Variants in PAK6 observed in about 807,000 individuals in gnomAD.
PAK6 encodes p21 (RAC1) activated kinase 6, also known as serine/threonine-protein kinase PAK 6.
Under a neutral mutation model 60.8 loss-of-function variants are expected in PAK6, and 33 were observed. The observed-to-expected ratio is 0.54, with a 90% confidence interval of 0.41 to 0.73. The LOEUF is 0.73. PAK6 is among the 30% of genes least tolerant of loss of function. The pLI is 0.00. For synonymous variants in PAK6, 404 were observed against 378.5 expected, an observed-to-expected ratio of 1.07 and a Z score of -0.78; for missense variants, 845 against 904.1, an observed-to-expected ratio of 0.93 and a Z score of 0.84.
chr15:40,272,453 A>C, exon 6 of PAK6: 1 of 1,613,630 alleles, frequency 6.2e-7, no homozygotes, highest in Non-Finnish European at 8.5e-7. Context: ...AGCACCAGCA[A>C]CCTGTACCTG....
rs539147070 is a variant in PAK6, at chr15:40,265,955, C to A, written c.318C>A (p.Thr106=). The A allele has an allele frequency of 5.0e-6, 8 of 1,605,848 alleles. No individual in the cohort carries two copies. In the South Asian group the frequency reaches 7.8e-5, roughly 16 times the overall value. ...ACACCCTGCGTGGCCGCAGCCCCAC[C>A]AGCCGGCGGCGGGCACAGTCCCTGG... The change falls in exon 5 of 11, where the codon ACC becomes ACA. Residue 106 remains threonine (T), a synonymous_variant. Transcript: ENST00000560346.
chr15:40,272,259 C>G, exon 6 of PAK6: 1 of 1,611,458 alleles, frequency 6.2e-7, no homozygotes, highest in South Asian at 1.1e-5. Flanking sequence ...AGAAAGACAA[C>G]CCCCCAAGCC....
chr15:40,269,710 ACTCCCCAGC>A (rs2039248167), intron 5 of PAK6, among the ~76,000 whole-genome samples: 2 of 151,708 alleles, frequency 1.3e-5, no homozygotes, highest in African/African-American at 2.4e-5. Context: ...AGCTCCCCAG[ACTCCCCAGC>A]CTATGTCCCA....
At chr15:40,266,661 G>C (rs2039147422) in intron 5 of PAK6, 166 bp downstream of exon 5, 2 of 546,642 alleles carry the variant, frequency 3.7e-6, no homozygotes, top group South Asian at 3.2e-5. Context: ...AGGGTGGCTC[G>C]CCTCCTCCTT....
chr15:40,276,224 C>G (rs1275175926), exon 11 of PAK6: 1 of 904,426 alleles, frequency 1.1e-6, no homozygotes, highest in Non-Finnish European at 1.7e-6. Flanking sequence ...AGCCCCAGCC[C>G]CACCCTCTGC....
chr15:40,248,432 GC>G (rs1023792077), intron 2 of PAK6, among the ~76,000 whole-genome samples: 42 of 152,200 alleles, frequency 2.8e-4, no homozygotes, highest in African/African-American at 9.7e-4. Flanking sequence ...CCCTCTAGGA[GC>G]CCCAGCTCCA....
At chr15:40,275,276 G>GGTTTTT (rs1345353324) in intron 10 of PAK6, among the ~76,000 whole-genome samples, 1 of 21,462 alleles carries the variant, frequency 4.7e-5, no homozygotes, top group African/African-American at 1.4e-4. Flanking sequence ...TTCTGTTGTT[G>GGTTTTT]TTGGTTTTTT....
In PAK6 at chr15:40,272,530, CA is replaced by C; in HGVS notation, c.1166del (p.Gln389ArgfsTer23). On this transcript the variant is annotated frameshift_variant, in exon 6 of 11. Transcript: ENST00000560346. LOFTEE classifies it high-confidence loss of function. ...GGACACAGGTGTTGTGACACATGAGCAGTTCAAGGCTGCGCTCAGGATGGTG... is the reference window on the plus strand; with the variant it reads ...GGACACAGGTGTTGTGACACATGAGCGTTCAAGGCTGCGCTCAGGATGGTG... 6.2e-7 allele frequency: 1 copy of C among 1,613,772 alleles called. No individual in the cohort carries two copies. The highest frequency in any genetic ancestry group is 8.5e-7 in the Non-Finnish European group (1 of 1,180,016).
chr15:40,262,841 C>T (rs1455394141), intron 3 of PAK6, among the ~76,000 whole-genome samples: 1 of 152,098 alleles, frequency 6.6e-6, no homozygotes, highest in Non-Finnish European at 1.5e-5. Context: ...CATTAACCCC[C>T]CTGGCTCAGA....
chr15:40,249,619 C>A (rs1437480201), intron 2 of PAK6, among the ~76,000 whole-genome samples: 1 of 152,188 alleles, frequency 6.6e-6, no homozygotes, highest in Non-Finnish European at 1.5e-5. Context: ...CTTCCTCATC[C>A]CCAGAAAACT....
intron 3 of PAK6, among the ~76,000 whole-genome samples, chr15:40,257,301 G>C (rs1293373890): frequency 6.6e-6 from 1 of 152,232 alleles, no homozygotes; most frequent in Non-Finnish European, 1.5e-5. Context: ...TGACCCCTCC[G>C]GGTGGCTGCA....
chr15:40,255,521 C>A (rs1470271119), intron 3 of PAK6, among the ~76,000 whole-genome samples: 2 of 152,190 alleles, frequency 1.3e-5, no homozygotes, highest in African/African-American at 4.8e-5. Flanking sequence ...TGGGCATCCA[C>A]ATGAGGGCCA....
At chr15:40,249,289 G>A (rs2038592562) in intron 2 of PAK6, among the ~76,000 whole-genome samples, 1 of 144,128 alleles carries the variant, frequency 6.9e-6, no homozygotes, top group African/African-American at 2.9e-5. Context: ...GAATCTTGGG[G>A]GACATAGGTT....
exon 3 of PAK6, chr15:40,253,271 A>C (rs1374735193): frequency 2.2e-6 from 1 of 455,826 alleles, no homozygotes; most frequent in East Asian, 7.0e-5. Context: ...CGCGAGGAAG[A>C]GGCGGAAGGC....
intron 10 of PAK6, 127 bp downstream of exon 10, chr15:40,274,403 C>T (rs2039392643): frequency 2.9e-6 from 3 of 1,030,208 alleles, no homozygotes; most frequent in Non-Finnish European, 4.2e-6. Flanking sequence ...GAAAAGGCTC[C>T]TCTTTCCCCA....
At chr15:40,248,879 A>T (rs1268155632) in intron 2 of PAK6, among the ~76,000 whole-genome samples, 1 of 152,208 alleles carries the variant, frequency 6.6e-6, no homozygotes, top group African/African-American at 2.4e-5. Context: ...TAAGCAGCAG[A>T]GTTGAGAGAA....
chr15:40,248,112 G>T (rs749326206), intron 2 of PAK6, among the ~76,000 whole-genome samples: 6 of 152,184 alleles, frequency 3.9e-5, no homozygotes, highest in Admixed American at 6.5e-5. Context: ...TAAGTCTTGC[G>T]AGGCAAGAGG....
intron 3 of PAK6, among the ~76,000 whole-genome samples, chr15:40,261,090 G>C (rs983239372): frequency 6.6e-6 from 1 of 151,568 alleles, no homozygotes; most frequent in Non-Finnish European, 1.5e-5. Flanking sequence ...GGGTTTCACC[G>C]TGTTAGCCAG....
exon 7 of PAK6, chr15:40,272,880 G>A: frequency 1.2e-6 from 2 of 1,613,982 alleles, no homozygotes; most frequent in South Asian, 2.2e-5. Context: ...TGATCATGCG[G>A]GACTACCAGC....
Sources: allele counts gnomAD v4.1 joint callset (sites outside exome capture counted in the v4.1 genomes callset), GRCh38; gene constraint gnomAD v4.1.1; transcripts MANE v1.5; gene names NCBI Gene and HGNC (gene_info 2026-07-23, HGNC 2026-07-21).